CMIP: variants seen among roughly 807,000 people sequenced by gnomAD.
CMIP encodes the protein c-Maf inducing protein, also known as C-Maf-inducing protein.
CMIP carries 13 observed loss-of-function variants against 97.3 expected under a neutral mutation model. The observed-to-expected ratio is 0.13, with a 90% CI of 0.09 to 0.21. CMIP has a LOEUF of 0.21. Among genes scored for constraint, CMIP ranks in the 10% least tolerant of loss-of-function variants. The probability of loss-of-function intolerance (pLI) is 1.00; values close to 1 mark genes in which losing one functional copy is unlikely to be tolerated. For missense variants in CMIP, 847 were observed against 1,024.9 expected (o/e 0.83, Z 2.37); for synonymous variants, 538 against 436.3 (o/e 1.23, Z -2.91).
chr16:81,544,466 G>C (rs979474693), intron 1 of CMIP, among the ~76,000 whole-genome samples: 1 of 150,452 alleles, frequency 6.6e-6, no homozygotes, highest in African/African-American at 2.5e-5. Flanking sequence ...GAAACCTCTT[G>C]TTTTTAAATA....
intron 1 of CMIP, among the ~76,000 whole-genome samples, chr16:81,472,921 C>T (rs1306742588): frequency 6.6e-6 from 1 of 152,190 alleles, no homozygotes; most frequent in East Asian, 1.9e-4. Flanking sequence ...ACCGCAGCTG[C>T]CCAGTGAGTG....
intron 1 of CMIP, among the ~76,000 whole-genome samples, chr16:81,532,220 C>G (rs1283409615): frequency 6.6e-6 from 1 of 152,226 alleles, no homozygotes; most frequent in East Asian, 1.9e-4. Context: ...TATCTTCACG[C>G]TGGCCACGGA....
intron 1 of CMIP, among the ~76,000 whole-genome samples, chr16:81,474,708 G>A (rs1369246892): frequency 6.6e-6 from 1 of 152,220 alleles, no homozygotes; most frequent in African/African-American, 2.4e-5. Flanking sequence ...AGTGTTGGCC[G>A]TGCTCATGGC....
intron 1 of CMIP, among the ~76,000 whole-genome samples, chr16:81,541,551 G>A (rs2090449566): frequency 6.6e-6 from 1 of 152,204 alleles, no homozygotes; most frequent in Admixed American, 6.5e-5. Flanking sequence ...TTACGCTGGT[G>A]AGAGGTGTTA....
chr16:81,577,536 TACA>T (rs1408981189), intron 1 of CMIP, among the ~76,000 whole-genome samples: 1 of 134,672 alleles, frequency 7.4e-6, no homozygotes, highest in African/African-American at 3.0e-5. Flanking sequence ...TCATCCCCAT[TACA>T]ACTATATTAT....
intron 1 of CMIP, among the ~76,000 whole-genome samples, chr16:81,471,983 A>G (rs779144789): frequency 2.0e-5 from 3 of 152,240 alleles, no homozygotes; most frequent in Non-Finnish European, 2.9e-5. Flanking sequence ...CACTGCAGAA[A>G]GTGAAACCTC....
At chr16:81,594,154 G>C (rs946537347) in intron 1 of CMIP, among the ~76,000 whole-genome samples, 1 of 141,756 alleles carries the variant, frequency 7.1e-6, no homozygotes, top group East Asian at 2.1e-4. Context: ...ATCTGGCTCT[G>C]TTGCATGGGC....
intron 3 of CMIP, among the ~76,000 whole-genome samples, chr16:81,641,063 A>G (rs1478731360): frequency 6.6e-6 from 1 of 152,134 alleles, no homozygotes; most frequent in Non-Finnish European, 1.5e-5. Context: ...TAGAGGGCTC[A>G]GGAACATCTG....
In CMIP at chr16:81,670,380, G is replaced by C. The variant is rs371288527; in HGVS notation, c.929+135G>C. ...TCTATGAGGAAGCCCCTAGCCTACT[G>C]CACGGTGCCCGATAGGAACTCGGAC... On this transcript the variant is annotated intron_variant, in intron 8 of 20. Transcript: ENST00000537098. 17 of 904,334 alleles carry C rather than the reference G, an allele frequency of 1.9e-5. No homozygotes were observed. In the African/African-American group the frequency reaches 2.5e-4, roughly 13 times the overall value. 56.0% of individuals were successfully genotyped at this position (904,334 alleles called of 1,614,324 possible).
At chr16:81,583,379 A>G (rs1440316000) in intron 1 of CMIP, among the ~76,000 whole-genome samples, 2 of 152,228 alleles carry the variant, frequency 1.3e-5, no homozygotes, top group Non-Finnish European at 2.9e-5. Context: ...TTAACCCTGA[A>G]TGGGATCGGC....
intron 1 of CMIP, among the ~76,000 whole-genome samples, chr16:81,466,751 C>T (rs746573831): frequency 4.6e-5 from 7 of 152,184 alleles, no homozygotes; most frequent in Non-Finnish European, 7.3e-5. Context: ...AGCACAGCGC[C>T]GTTTCCCTGG....
At chr16:81,523,301 T>A (rs9806895) in intron 1 of CMIP, among the ~76,000 whole-genome samples, 2 of 152,128 alleles carry the variant, frequency 1.3e-5, no homozygotes, top group East Asian at 1.9e-4. Context: ...GATCTCTCCG[T>A]TGATTCCTGA....
intron 1 of CMIP, among the ~76,000 whole-genome samples, chr16:81,573,149 G>A (rs1278025952): frequency 3.3e-5 from 5 of 152,186 alleles, no homozygotes. Context: ...TTGGAGACCA[G>A]GCTGGCCAAC....
chr16:81,604,132 G>A (rs1321121102), intron 1 of CMIP, among the ~76,000 whole-genome samples: 1 of 152,176 alleles, frequency 6.6e-6, no homozygotes, highest in Non-Finnish European at 1.5e-5. Context: ...GGTGGCTCAC[G>A]CCTGTAATCC....
intron 1 of CMIP, among the ~76,000 whole-genome samples, chr16:81,551,775 A>C (rs2090663099): frequency 6.6e-6 from 1 of 152,198 alleles, no homozygotes; most frequent in Non-Finnish European, 1.5e-5. Context: ...CTGCTTCCAG[A>C]GGTGGCTGAG....
At chr16:81,672,888 C>T (rs1284117520) in intron 9 of CMIP, among the ~76,000 whole-genome samples, 1 of 152,240 alleles carries the variant, frequency 6.6e-6, no homozygotes, top group Admixed American at 6.5e-5. Context: ...TTCTTGAGCG[C>T]CTGCTGTGTG....
intron 1 of CMIP, among the ~76,000 whole-genome samples, chr16:81,558,254 G>A (rs1024725051): frequency 2.1e-4 from 32 of 152,160 alleles, no homozygotes; most frequent in African/African-American, 7.7e-4. Context: ...GGTGAATGCA[G>A]GCCGTGCTTC....
chr16:81,640,770 G>GTGTGTGTGTGTGTCTCTC (rs376370488), intron 3 of CMIP, among the ~76,000 whole-genome samples: 5 of 135,592 alleles, frequency 3.7e-5, no homozygotes, highest in African/African-American at 8.4e-5. Context: ...GTGTGTGTGT[G>GTGTGTGTGTGTGTCTCTC]TCTCTCTCTC....
At chr16:81,567,110 C>T (rs2090996506) in intron 1 of CMIP, among the ~76,000 whole-genome samples, 1 of 152,224 alleles carries the variant, frequency 6.6e-6, no homozygotes, top group Admixed American at 6.5e-5. Context: ...CACCCAGAGA[C>T]AAGCATCCTT....
Sources: allele counts gnomAD v4.1 joint callset (sites outside exome capture counted in the v4.1 genomes callset), GRCh38; gene constraint gnomAD v4.1.1; transcripts MANE v1.5; gene names NCBI Gene and HGNC (gene_info 2026-07-23, HGNC 2026-07-21).